Variants in RPTOR observed in about 807,000 individuals in gnomAD.
RPTOR encodes the protein regulatory-associated protein of mTOR.
Under a neutral mutation model 169.9 loss-of-function variants are expected in RPTOR, and 21 were observed. The observed-to-expected ratio is 0.12, with a 90% CI of 0.09 to 0.18. RPTOR has a LOEUF of 0.18. RPTOR is among the 10% of genes least tolerant of loss of function. The pLI is 1.00. For missense variants in RPTOR, 1,133 were observed against 1,855.9 expected (o/e 0.61, Z 7.16); for synonymous variants, 732 against 753.2 (o/e 0.97, Z 0.46).
intron 27 of RPTOR, chr17:80,948,784 TGC>T: frequency 6.6e-6 from 1 of 152,252 alleles, no homozygotes; most frequent in Non-Finnish European, 1.5e-5. Context: ...AGGCTCAGAG[TGC>T]CCGCATGCTT....
In RPTOR at chr17:80,856,860, G is replaced by A. The variant is rs1393804743; in HGVS notation, c.1399-930G>A. Reference sequence around the variant, plus strand: ...TGGAAATTTGCCTAATACATGAATCGAGGCTGGATAAACGAGGTATTTTTA... The same window carrying A: ...TGGAAATTTGCCTAATACATGAATCAAGGCTGGATAAACGAGGTATTTTTA... On this transcript the variant is annotated intron_variant, in intron 12 of 33. Coordinates refer to ENST00000306801, the MANE Select transcript of RPTOR (RefSeq NM_020761.3). Among the ~76,000 whole-genome samples the A allele has an allele frequency of 3.9e-5, 6 of 152,132 alleles. 1 individual carries two copies. The South Asian group carries it at 6.2e-4, about 16-fold the overall frequency.
chr17:80,545,606 A>G lies in RPTOR; in HGVS notation c.-24A>G. On this transcript the variant is annotated 5_prime_UTR_variant, in exon 1 of 34. Coordinates refer to ENST00000306801, the MANE Select transcript of RPTOR (RefSeq NM_020761.3). The stretch of plus-strand genomic sequence containing the variant: ...GGTTCTCGAGCGCTTGCTGCCAAGG[A>G]CTCCCCCACCCCCTCCCCCACTGAT... 1.3e-6 allele frequency: 2 copies of G among 1,571,826 alleles called. No homozygotes were observed. Among genetic ancestry groups the G allele is most frequent in the Non-Finnish European group, 1.7e-6 (2 of 1,157,928 alleles).
At chr17:80,822,172 C>A in intron 7 of RPTOR, 29 bp from the exon 8 acceptor site, 1 of 1,599,132 alleles carries the variant, frequency 6.3e-7, no homozygotes, top group Non-Finnish European at 8.6e-7. Flanking sequence ...GCTGTGGCAT[C>A]ACTCATGAGA....
chr17:80,854,732 A>ATT (rs1567950850), intron 11 of RPTOR, among the ~76,000 whole-genome samples: 1 of 152,200 alleles, frequency 6.6e-6, no homozygotes, highest in Non-Finnish European at 1.5e-5. Flanking sequence ...CATCTCTATA[A>ATT]AAAATACAAA....
chr17:80,938,355 C>T (rs112726459), intron 24 of RPTOR, among the ~76,000 whole-genome samples: 1 of 152,234 alleles, frequency 6.6e-6, no homozygotes, highest in African/African-American at 2.4e-5. Context: ...CAGTTCCTCT[C>T]CCTTCCCACT....
intron 1 of RPTOR, among the ~76,000 whole-genome samples, chr17:80,554,173 G>A (rs920108798): frequency 1.1e-4 from 17 of 152,048 alleles, no homozygotes; most frequent in African/African-American, 3.9e-4. Flanking sequence ...CTACAGGTGT[G>A]AGTCACCATG....
intron 6 of RPTOR, among the ~76,000 whole-genome samples, chr17:80,765,376 G>A (rs1431956496): frequency 2.0e-5 from 3 of 152,184 alleles, no homozygotes; most frequent in African/African-American, 7.2e-5. Flanking sequence ...CAGGTCAAAG[G>A]CTTCACTTCT....
intron 3 of RPTOR, among the ~76,000 whole-genome samples, chr17:80,671,200 C>T (rs1310241451): frequency 6.6e-6 from 1 of 152,220 alleles, no homozygotes; most frequent in African/African-American, 2.4e-5. Flanking sequence ...CCTTTAGTGC[C>T]CTCTGCAGCC....
intron 13 of RPTOR, among the ~76,000 whole-genome samples, chr17:80,867,196 T>G (rs2068002949): frequency 6.6e-6 from 1 of 152,160 alleles, no homozygotes; most frequent in Non-Finnish European, 1.5e-5. Context: ...CAAACCTGTT[T>G]AAGGATTGAA....
At chr17:80,928,127 G>A (rs1054678266) in intron 24 of RPTOR, among the ~76,000 whole-genome samples, 1 of 152,216 alleles carries the variant, frequency 6.6e-6, no homozygotes, top group African/African-American at 2.4e-5. Flanking sequence ...AAAGAGCGCC[G>A]TGTTGTGGTC....
intron 3 of RPTOR, among the ~76,000 whole-genome samples, chr17:80,691,722 G>T (rs1262219787): frequency 6.6e-6 from 1 of 152,162 alleles, no homozygotes; most frequent in Non-Finnish European, 1.5e-5. Context: ...GGGAGTCTTG[G>T]TTTCCTTCCA....
At chr17:80,800,191 T>G (rs962693819) in intron 7 of RPTOR, among the ~76,000 whole-genome samples, 1 of 152,180 alleles carries the variant, frequency 6.6e-6, no homozygotes, top group African/African-American at 2.4e-5. Flanking sequence ...TTTCATGGCA[T>G]AGCGTCCCTG....
At chr17:80,779,758 C>T (rs532252274) in intron 6 of RPTOR, among the ~76,000 whole-genome samples, 1 of 152,326 alleles carries the variant, frequency 6.6e-6, no homozygotes, top group South Asian at 2.1e-4. Context: ...CATAGTTTCC[C>T]ACCCCCCAGC....
intron 7 of RPTOR, among the ~76,000 whole-genome samples, chr17:80,809,549 G>A (rs2067252591): frequency 6.6e-6 from 1 of 152,198 alleles, no homozygotes; most frequent in African/African-American, 2.4e-5. Flanking sequence ...GCCTAATGAT[G>A]ACAGAGCAGC....
chr17:80,798,750 T>A (rs987002177), intron 7 of RPTOR, among the ~76,000 whole-genome samples: 18 of 152,298 alleles, frequency 1.2e-4, no homozygotes, highest in Admixed American at 2.6e-4. Context: ...GTCTAAAAAA[T>A]TTATTTATAA....
intron 24 of RPTOR, among the ~76,000 whole-genome samples, chr17:80,935,488 T>C (rs2068944363): frequency 2.0e-5 from 3 of 152,192 alleles, no homozygotes; most frequent in African/African-American, 7.2e-5. Flanking sequence ...GGTGTGGGAT[T>C]GGTGAAAGGT....
intron 3 of RPTOR, among the ~76,000 whole-genome samples, chr17:80,686,634 T>C (rs1336047916): frequency 6.6e-6 from 1 of 152,164 alleles, no homozygotes; most frequent in Non-Finnish European, 1.5e-5. Context: ...AGCGTATCCA[T>C]CTCTTAGAAA....
At chr17:80,792,112 G>A (rs950009636) in intron 7 of RPTOR, among the ~76,000 whole-genome samples, 17 of 152,116 alleles carry the variant, frequency 1.1e-4, no homozygotes, top group South Asian at 2.1e-4. Context: ...GACCCGGAGC[G>A]TGGCCTGCAC....
intron 14 of RPTOR, 111 bp from the exon 15 acceptor site, chr17:80,883,308 T>G (rs2068206398): frequency 3.2e-6 from 3 of 949,008 alleles, no homozygotes; most frequent in Non-Finnish European, 5.1e-6. Flanking sequence ...CTCGTTACTT[T>G]AATTATGCGC....
Sources: allele counts gnomAD v4.1 joint callset (sites outside exome capture counted in the v4.1 genomes callset), GRCh38; gene constraint gnomAD v4.1.1; transcripts MANE v1.5; gene names NCBI Gene and HGNC (gene_info 2026-07-23, HGNC 2026-07-21).